Variants in PDE7B observed in about 807,000 individuals in gnomAD.
PDE7B encodes the protein 3',5'-cyclic-AMP phosphodiesterase 7B.
Under a neutral mutation model 56.2 loss-of-function variants are expected in PDE7B, and 29 were observed. The ratio of observed to expected loss-of-function variants is 0.52; its 90% confidence interval spans 0.38 to 0.70. PDE7B has a LOEUF of 0.70. Among genes scored for constraint, PDE7B ranks in the 30% least tolerant of loss-of-function variants. The pLI is 0.00. For missense variants in PDE7B, 490 were observed against 565.0 expected, an observed-to-expected ratio of 0.87 and a Z score of 1.35; for synonymous variants, 197 against 196.9, an observed-to-expected ratio of 1.00 and a Z score of 0.00.
chr6:135,908,131 C>T (rs1366871443), intron 1 of PDE7B, among the ~76,000 whole-genome samples: 1 of 151,550 alleles, frequency 6.6e-6, no homozygotes, highest in Non-Finnish European at 1.5e-5. Flanking sequence ...TCTTGTCGCC[C>T]AGGCTGAACT....
intron 2 of PDE7B, chr6:136,037,281 C>A: frequency 3.3e-6 from 1 of 302,898 alleles, no homozygotes; most frequent in Non-Finnish European, 4.9e-6. Flanking sequence ...ACTGCCCATA[C>A]GCATGAGGAT....
intron 2 of PDE7B, among the ~76,000 whole-genome samples, chr6:135,977,973 A>T (rs766318926): frequency 2.0e-5 from 3 of 152,170 alleles, no homozygotes; most frequent in Non-Finnish European, 2.9e-5. Flanking sequence ...ATATACACAT[A>T]ATGAGTATAT....
At chr6:135,943,317 A>G (rs1302096242) in intron 1 of PDE7B, among the ~76,000 whole-genome samples, 1 of 152,234 alleles carries the variant, frequency 6.6e-6, no homozygotes. Flanking sequence ...TGCCCATGAT[A>G]GTACAGTGAT....
intron 2 of PDE7B, among the ~76,000 whole-genome samples, chr6:135,980,448 A>C (rs1445825771): frequency 0.013 from 1,931 of 151,772 alleles, 23 homozygotes; most frequent in African/African-American, 0.035. Context: ...AATGGGATCT[A>C]ATTAAACTAA....
intron 1 of PDE7B, among the ~76,000 whole-genome samples, chr6:135,934,869 A>C (rs1233449269): frequency 9.5e-6 from 1 of 105,398 alleles, no homozygotes; most frequent in Non-Finnish European, 1.7e-5. Flanking sequence ...ATATAAAAAT[A>C]TATATAAATA....
At chr6:136,082,049 G>A (rs1345194297) in intron 2 of PDE7B, among the ~76,000 whole-genome samples, 6 of 152,194 alleles carry the variant, frequency 3.9e-5, no homozygotes, top group Non-Finnish European at 5.9e-5. Context: ...AGTACTACTG[G>A]TGGGAGGCCC....
intron 3 of PDE7B, among the ~76,000 whole-genome samples, chr6:136,122,605 A>G (rs768549530): frequency 3.9e-5 from 6 of 152,224 alleles, no homozygotes; most frequent in Non-Finnish European, 5.9e-5. Flanking sequence ...ATCTCAATCC[A>G]TTATTGGTGT....
intron 1 of PDE7B, among the ~76,000 whole-genome samples, chr6:135,857,043 TCCCTCCCTCC>T (rs1775046443): frequency 2.7e-5 from 3 of 112,450 alleles, no homozygotes; most frequent in Non-Finnish European, 5.2e-5. Flanking sequence ...CCTCCCTCCC[TCCCTCCCTCC>T]CTTCCTTCCT....
intron 2 of PDE7B, among the ~76,000 whole-genome samples, chr6:136,042,542 C>G (rs1776430419): frequency 6.6e-6 from 1 of 152,146 alleles, no homozygotes; most frequent in South Asian, 2.1e-4. Flanking sequence ...TATAAATACA[C>G]ACAAATCGCT....
At chr6:136,131,551 C>CT (rs1318869265) in intron 3 of PDE7B, among the ~76,000 whole-genome samples, 1 of 135,900 alleles carries the variant, frequency 7.4e-6, no homozygotes, top group Non-Finnish European at 1.5e-5. Flanking sequence ...AACTCCCACT[C>CT]TTTCCCTTCC....
chr6:135,990,768 C>T (rs1775465405), intron 2 of PDE7B, among the ~76,000 whole-genome samples: 1 of 152,212 alleles, frequency 6.6e-6, no homozygotes, highest in Non-Finnish European at 1.5e-5. Context: ...CCAATCCAGA[C>T]CCCAAGAGAG....
At chr6:135,909,965 C>T (rs1303420092) in intron 1 of PDE7B, among the ~76,000 whole-genome samples, 3 of 152,298 alleles carry the variant, frequency 2.0e-5, no homozygotes, top group South Asian at 4.1e-4. Context: ...CTTGTAATGG[C>T]GCCCTCTACT....
At chr6:136,120,822 G>A (rs1777920556) in intron 3 of PDE7B, among the ~76,000 whole-genome samples, 1 of 152,160 alleles carries the variant, frequency 6.6e-6, no homozygotes, top group Admixed American at 6.5e-5. Context: ...TCCATCAGCA[G>A]TGTGGTCGCC....
chr6:135,990,923 G>A (rs994393952), intron 2 of PDE7B, among the ~76,000 whole-genome samples: 2 of 152,198 alleles, frequency 1.3e-5, no homozygotes, highest in Non-Finnish European at 2.9e-5. Context: ...CATTTTTATG[G>A]TTATCTCTTA....
At chr6:135,959,041 A>C (rs1442621986) in intron 2 of PDE7B, among the ~76,000 whole-genome samples, 1 of 152,150 alleles carries the variant, frequency 6.6e-6, no homozygotes, top group Non-Finnish European at 1.5e-5. Context: ...ACATTTTCTG[A>C]CTTGTAATTT....
At position 136,195,492 on chromosome 6, in the gene PDE7B, GTT is replaced by G. The variant is rs1372141549; in HGVS notation, c.*3655_*3656del. 22 of 144,190 alleles carry G rather than the reference GTT, an allele frequency of 1.5e-4. No homozygotes were observed. Among genetic ancestry groups the G allele is most frequent in the African/African-American group, 5.8e-4 (22 of 37,864 alleles). The allele number at this position is 144,190 out of a possible 1,614,324, so 8.9% of individuals were successfully genotyped here. ...AAAAAAAAAAAGAACTACCTTGTGA[GTT>G]TTGCTCAAAATGTGGCCTAAGTAGC... On this transcript the variant is annotated 3_prime_UTR_variant, in exon 13 of 13. Coordinates refer to ENST00000308191, the MANE Select transcript of PDE7B (RefSeq NM_018945.4).
chr6:136,068,142 G>T (rs1776977876), intron 2 of PDE7B, among the ~76,000 whole-genome samples: 1 of 152,222 alleles, frequency 6.6e-6, no homozygotes, highest in Non-Finnish European at 1.5e-5. Flanking sequence ...CGTGACACAG[G>T]CCCAGGAGGG....
intron 2 of PDE7B, among the ~76,000 whole-genome samples, chr6:135,964,177 C>T (rs776974541): frequency 6.6e-6 from 1 of 151,890 alleles, no homozygotes; most frequent in African/African-American, 2.4e-5. Context: ...AATCTCGGCT[C>T]ATTGCGACCT....
intron 2 of PDE7B, among the ~76,000 whole-genome samples, chr6:136,107,356 C>T (rs1046941857): frequency 3.9e-5 from 6 of 152,188 alleles, no homozygotes; most frequent in Admixed American, 1.3e-4. Context: ...TCCAGAGATA[C>T]ATTATGTCTC....
Sources: allele counts gnomAD v4.1 joint callset (sites outside exome capture counted in the v4.1 genomes callset), GRCh38; gene constraint gnomAD v4.1.1; transcripts MANE v1.5; gene names NCBI Gene and HGNC (gene_info 2026-07-23, HGNC 2026-07-21).